GTF2F2: variants seen among roughly 807,000 people sequenced by gnomAD.
The protein encoded by GTF2F2 is general transcription factor IIF subunit 2, also known as ATP-dependent helicase GTF2F2.
In GTF2F2, 23 loss-of-function variants were observed where a neutral mutation model predicts 42.2. The observed-to-expected ratio is 0.55, with a 90% confidence interval of 0.39 to 0.77. The LOEUF is 0.77. Ranked by LOEUF, GTF2F2 falls within the 30% of genes least tolerant of loss-of-function variation. The probability of loss-of-function intolerance (pLI) is 0.00; values close to 1 mark genes in which losing one functional copy is unlikely to be tolerated. For missense variants in GTF2F2, 261 were observed against 287.2 expected (o/e 0.91, Z 0.66); for synonymous variants, 105 against 100.8 (o/e 1.04, Z -0.25).
chr13:45,239,221 A>C (rs1020239157), intron 5 of GTF2F2, among the ~76,000 whole-genome samples: 2 of 152,168 alleles, frequency 1.3e-5, no homozygotes, highest in Non-Finnish European at 2.9e-5. Context: ...CCCTGAACAT[A>C]CCTTCAAGTT....
intron 5 of GTF2F2, among the ~76,000 whole-genome samples, chr13:45,210,492 T>C (rs1470309856): frequency 6.6e-6 from 1 of 152,236 alleles, no homozygotes; most frequent in Non-Finnish European, 1.5e-5. Flanking sequence ...TTGTATCTTC[T>C]TCATAGCACA....
intron 4 of GTF2F2, among the ~76,000 whole-genome samples, chr13:45,198,441 C>T (rs1873011533): frequency 6.6e-6 from 1 of 152,224 alleles, no homozygotes; most frequent in Non-Finnish European, 1.5e-5. Context: ...CTTAACAGAT[C>T]ATTCCTCTAT....
chr13:45,216,482 G>GT (rs1348161073), intron 5 of GTF2F2, among the ~76,000 whole-genome samples: 1 of 151,958 alleles, frequency 6.6e-6, no homozygotes, highest in African/African-American at 2.4e-5. Context: ...ATGTGGGGCT[G>GT]TACGTCTTTT....
intron 4 of GTF2F2, among the ~76,000 whole-genome samples, chr13:45,165,332 T>TATA (rs1491334032): frequency 1.7e-4 from 16 of 92,174 alleles, no homozygotes; most frequent in African/African-American, 4.8e-4. Context: ...TATATATATA[T>TATA]TTTTTTTTTC....
At position 45,283,617 on chromosome 13, in the gene GTF2F2, G is replaced by GC; in HGVS notation, c.*57dup. The GC allele has an allele frequency of 1.3e-6, 2 of 1,492,236 alleles. No individual in the cohort carries two copies. The highest frequency in any genetic ancestry group is 1.8e-6 in the Non-Finnish European group (2 of 1,113,950). The allele number at this position is 1,492,236 out of a possible 1,614,324, so 92.4% of individuals were successfully genotyped here. On this transcript the variant is annotated 3_prime_UTR_variant, in exon 8 of 8. Transcript: ENST00000340473. ...GACTAGCAGCGATGCTATGCAAAAG[G>GC]CGCTGATACTGGAAGGCTTGAACAC...
At chr13:45,274,658 A>G (rs1269886507) in intron 7 of GTF2F2, among the ~76,000 whole-genome samples, 1 of 152,118 alleles carries the variant, frequency 6.6e-6, no homozygotes. Flanking sequence ...TGTGTAGTTC[A>G]GGCCAGATGT....
At chr13:45,135,675 G>T (rs950652955) in intron 1 of GTF2F2, among the ~76,000 whole-genome samples, 3 of 152,108 alleles carry the variant, frequency 2.0e-5, no homozygotes, top group African/African-American at 4.8e-5. Flanking sequence ...CAATTTATTT[G>T]ACTAGTGGTC....
intron 5 of GTF2F2, among the ~76,000 whole-genome samples, chr13:45,248,434 G>GT (rs1237615754): frequency 3.8e-4 from 57 of 151,254 alleles, no homozygotes; most frequent in South Asian, 8.3e-4. Flanking sequence ...TTTGTTTTTT[G>GT]TTTTTTTGTT....
chr13:45,246,808 C>A (rs766653918), intron 5 of GTF2F2, among the ~76,000 whole-genome samples: 2 of 151,862 alleles, frequency 1.3e-5, no homozygotes, highest in Admixed American at 6.6e-5. Flanking sequence ...GAGGCCAATG[C>A]GGGCGGATCA....
Position 45,259,105 on chromosome 13 carries a change from A to G in GTF2F2, c.486+6135A>G, listed in dbSNP as rs182580909. Among the ~76,000 whole-genome samples the G allele has an allele frequency of 2.0e-3, 299 of 152,254 alleles. 3 individuals carry two copies. The highest frequency in any genetic ancestry group is 6.8e-3 in the African/African-American group (281 of 41,526). Reference sequence around the variant, plus strand: ...AGACATTTGTTTTCGGTGTTGCTGTATACTAGAATCACCTGGGAAGCTTTT... The same window carrying G: ...AGACATTTGTTTTCGGTGTTGCTGTGTACTAGAATCACCTGGGAAGCTTTT... On this transcript the variant is annotated intron_variant, in intron 6 of 7. Coordinates refer to ENST00000340473, the MANE Select transcript of GTF2F2 (RefSeq NM_004128.3).
rs1157972776 is a variant in GTF2F2, at chr13:45,278,816, C to CTTTTTTTTT, written c.631-4609_631-4601dup. 1.3e-3 allele frequency among the ~76,000 whole-genome samples: 81 copies of CTTTTTTTTT among 62,310 alleles called. 3 individuals are homozygous for CTTTTTTTTT. Among genetic ancestry groups the CTTTTTTTTT allele is most frequent in the African/African-American group, 3.5e-3 (50 of 14,382 alleles). The allele number at this position is 62,310 out of a possible 152,430, so 40.9% of individuals were successfully genotyped here. A position where few individuals can be genotyped will look rare whatever the true frequency, so the allele number is the denominator to read the frequency against. ...CCTGCCAATTTGCCTTTTTCTTTTT[C>CTTTTTTTTT]TTTTTTTTTTTTTTTTTTTTTTTTT... On this transcript the variant is annotated intron_variant, in intron 7 of 7. Coordinates refer to ENST00000340473, the MANE Select transcript of GTF2F2 (RefSeq NM_004128.3).
intron 5 of GTF2F2, 150 bp from the exon 6 acceptor site, chr13:45,252,721 G>T: frequency 1.9e-6 from 1 of 538,096 alleles, no homozygotes; most frequent in Non-Finnish European, 3.2e-6. Flanking sequence ...CGTATATTCA[G>T]TGCATTTTTA....
intron 4 of GTF2F2, among the ~76,000 whole-genome samples, chr13:45,204,989 C>A (rs1873354646): frequency 6.6e-6 from 1 of 152,140 alleles, no homozygotes; most frequent in Admixed American, 6.5e-5. Context: ...CTGATTTCTA[C>A]CCTTGAGCTG....
intron 7 of GTF2F2, among the ~76,000 whole-genome samples, chr13:45,281,443 G>A (rs982477698): frequency 3.9e-5 from 6 of 152,198 alleles, no homozygotes; most frequent in Admixed American, 6.5e-5. Context: ...TTGGTAACAC[G>A]TACTCTACAG....
chr13:45,223,129 C>T (rs778077646), intron 5 of GTF2F2, among the ~76,000 whole-genome samples: 1 of 151,982 alleles, frequency 6.6e-6, no homozygotes, highest in East Asian at 1.9e-4. Context: ...GTCTCAGCTA[C>T]TCCTGTAGTC....
At chr13:45,171,346 G>T (rs1871590974) in intron 4 of GTF2F2, among the ~76,000 whole-genome samples, 1 of 152,078 alleles carries the variant, frequency 6.6e-6, no homozygotes, top group Admixed American at 6.6e-5. Context: ...TGGGATTACA[G>T]TCATGAGCTG....
At chr13:45,173,119 G>T (rs1871676893) in intron 4 of GTF2F2, among the ~76,000 whole-genome samples, 1 of 152,004 alleles carries the variant, frequency 6.6e-6, no homozygotes, top group Non-Finnish European at 1.5e-5. Flanking sequence ...GAGACACATA[G>T]ATATAGAAAA....
chr13:45,193,647 C>G, intron 4 of GTF2F2: 1 of 708,878 alleles, frequency 1.4e-6, no homozygotes, highest in Non-Finnish European at 2.3e-6. Context: ...ATTTACATAC[C>G]GTTAGCTCAC....
At chr13:45,176,510 C>A (rs907457861) in intron 4 of GTF2F2, among the ~76,000 whole-genome samples, 1 of 151,904 alleles carries the variant, frequency 6.6e-6, no homozygotes, top group Non-Finnish European at 1.5e-5. Context: ...AGTTGTAGTT[C>A]TTTATATATT....
Sources: allele counts gnomAD v4.1 joint callset (sites outside exome capture counted in the v4.1 genomes callset), GRCh38; gene constraint gnomAD v4.1.1; transcripts MANE v1.5; gene names NCBI Gene and HGNC (gene_info 2026-07-23, HGNC 2026-07-21).